Variants in STPG2 observed in about 807,000 individuals in gnomAD.
STPG2 encodes the protein sperm tail PG-rich repeat containing 2.
A neutral mutation model predicts 54.2 loss-of-function variants in STPG2; 56 were observed. The ratio of observed to expected loss-of-function variants is 1.03; its 90% CI spans 0.83 to 1.29. STPG2 has a LOEUF of 1.29. STPG2 is among the 50% of genes most tolerant of loss of function. STPG2 has a pLI of 0.00. For missense variants in STPG2, 596 were observed against 544.9 expected, an observed-to-expected ratio of 1.09 and a Z score of -0.93; for synonymous variants, 200 against 181.8, an observed-to-expected ratio of 1.10 and a Z score of -0.81.
intron 9 of STPG2, among the ~76,000 whole-genome samples, chr4:97,756,814 G>A (rs139703028): frequency 0.01 from 1,549 of 150,816 alleles, 27 homozygotes; most frequent in African/African-American, 0.036. Context: ...CACTGATTTC[G>A]GTGGTAAAAA....
intron 4 of STPG2, among the ~76,000 whole-genome samples, chr4:97,529,716 G>A (rs780139872): frequency 3.9e-5 from 6 of 152,148 alleles, no homozygotes; most frequent in Non-Finnish European, 8.8e-5. Context: ...TTGGGAGCAT[G>A]TATGTATCCA....
chr4:97,755,866 G>T (rs1341571621), intron 9 of STPG2, among the ~76,000 whole-genome samples: 1 of 152,130 alleles, frequency 6.6e-6, no homozygotes, highest in African/African-American at 2.4e-5. Flanking sequence ...TTGGATAGAA[G>T]TCTTAGGAAA....
Position 97,473,733 on chromosome 4 carries a change from G to A in STPG2, c.462+238966C>T, listed in dbSNP as rs542441738. Among the ~76,000 whole-genome samples, 40 of 152,138 alleles carry A rather than the reference G, an allele frequency of 2.6e-4. No homozygotes were observed. In the East Asian group the frequency reaches 7.2e-3, roughly 27 times the overall value. ...ACTAATAAAAACTTGCTGGTTTCAC[G>A]GCTCAGGGGGCATCACGGAACCTAC... On this transcript the variant is annotated intron_variant, in intron 4 of 4. Transcript: ENST00000522676.
intron 10 of STPG2, among the ~76,000 whole-genome samples, chr4:97,585,548 C>T (rs1442425898): frequency 6.6e-6 from 1 of 151,958 alleles, no homozygotes; most frequent in Non-Finnish European, 1.5e-5. Flanking sequence ...TAGAGAGAAT[C>T]TTGTCACAGC....
At chr4:97,638,194 T>C (rs1427880640) in intron 10 of STPG2, among the ~76,000 whole-genome samples, 1 of 151,676 alleles carries the variant, frequency 6.6e-6, no homozygotes, top group Admixed American at 6.6e-5. Flanking sequence ...ACACTGCATA[T>C]CTACAACTAT....
intron 9 of STPG2, among the ~76,000 whole-genome samples, chr4:97,721,197 C>T (rs7658086): frequency 0.11 from 16,694 of 152,024 alleles, 2,650 homozygotes; most frequent in African/African-American, 0.35. Context: ...CAAGTAAAAA[C>T]GAATTGCTCA....
chr4:97,959,172 A>C (rs887463934), intron 7 of STPG2, among the ~76,000 whole-genome samples: 1 of 152,088 alleles, frequency 6.6e-6, no homozygotes, highest in Non-Finnish European at 1.5e-5. Flanking sequence ...TTACTCAAAC[A>C]GAACAATAGT....
intron 7 of STPG2, among the ~76,000 whole-genome samples, chr4:97,945,532 T>C (rs1021106220): frequency 6.6e-6 from 1 of 151,976 alleles, no homozygotes; most frequent in Non-Finnish European, 1.5e-5. Flanking sequence ...CACATGCAGG[T>C]GTCTTTTTAA....
At chr4:97,699,021 GAGTA>G (rs1390513976) in intron 10 of STPG2, among the ~76,000 whole-genome samples, 2 of 152,206 alleles carry the variant, frequency 1.3e-5, no homozygotes, top group Non-Finnish European at 2.9e-5. Context: ...CACATATCCA[GAGTA>G]AGTGTCTATT....
Position 97,864,724 on chromosome 4 carries a change from C to T in STPG2, c.1045-23792G>A, listed in dbSNP as rs181858864. Among the ~76,000 whole-genome samples, 571 of 152,078 alleles carry T rather than the reference C, an allele frequency of 3.8e-3. 1 individual carries two copies. Among genetic ancestry groups the T allele is most frequent in the African/African-American group, 0.013 (541 of 41,500 alleles). Reference sequence around the variant, plus strand: ...AGGCTGCAGTAACCAAAACAGCATGCTACTGGTACCAAAACATAGATATAG... The same window carrying T: ...AGGCTGCAGTAACCAAAACAGCATGTTACTGGTACCAAAACATAGATATAG... On this transcript the variant is annotated intron_variant, in intron 8 of 10. Coordinates refer to ENST00000295268, the MANE Select transcript of STPG2 (RefSeq NM_174952.3).
intron 7 of STPG2, among the ~76,000 whole-genome samples, chr4:97,950,973 G>C (rs1375105168): frequency 6.6e-6 from 1 of 152,142 alleles, no homozygotes; most frequent in East Asian, 1.9e-4. Flanking sequence ...TATCACTATT[G>C]TAAAACCTAA....
At chr4:97,703,286 A>C (rs896591827) in intron 10 of STPG2, among the ~76,000 whole-genome samples, 1 of 151,194 alleles carries the variant, frequency 6.6e-6, no homozygotes, top group African/African-American at 2.4e-5. Context: ...TAGAACCCCA[A>C]AACCAGCAAA....
chr4:97,655,994 T>C (rs1448487004), intron 10 of STPG2, among the ~76,000 whole-genome samples: 2 of 152,136 alleles, frequency 1.3e-5, no homozygotes, highest in African/African-American at 4.8e-5. Context: ...CATAAATGTA[T>C]ATCTTAAAAC....
intron 10 of STPG2, among the ~76,000 whole-genome samples, chr4:97,622,110 A>C (rs1734027094): frequency 6.6e-6 from 1 of 152,194 alleles, no homozygotes; most frequent in African/African-American, 2.4e-5. Context: ...CAAATTAGGC[A>C]CTGAAGGAAC....
intron 8 of STPG2, among the ~76,000 whole-genome samples, chr4:97,929,649 T>A (rs1310901234): frequency 2.0e-5 from 3 of 152,194 alleles, no homozygotes; most frequent in Non-Finnish European, 4.4e-5. Flanking sequence ...TTTTTCTCAG[T>A]TGATTGTTGG....
intron 8 of STPG2, among the ~76,000 whole-genome samples, chr4:97,900,802 C>A (rs1374676161): frequency 6.6e-6 from 1 of 151,904 alleles, no homozygotes; most frequent in Non-Finnish European, 1.5e-5. Flanking sequence ...AGGAAAGGAG[C>A]AGAAAAGATA....
Position 98,108,825 on chromosome 4 carries a change from AT to A in STPG2, c.500+367del, listed in dbSNP as rs528288133. ...CTTGCTGTGAAGATTAAATGAGTTA[AT>A]GCATATATAGTAGATAGCACAAGAT... On this transcript the variant is annotated intron_variant, in intron 4 of 10. Coordinates refer to ENST00000295268, the MANE Select transcript of STPG2 (RefSeq NM_174952.3). Among the ~76,000 whole-genome samples the A allele has an allele frequency of 4.3e-3, 649 of 152,200 alleles. 3 individuals are homozygous for A. The highest frequency in any genetic ancestry group is 0.025 in the South Asian group (121 of 4,828).
chr4:97,458,014 A>G (rs1729571144), intron 4 of STPG2, among the ~76,000 whole-genome samples: 2 of 152,252 alleles, frequency 1.3e-5, no homozygotes, highest in Non-Finnish European at 2.9e-5. Context: ...ACATTTTCCA[A>G]TTAACAACGT....
At chr4:97,703,709 ATAG>A in intron 10 of STPG2, among the ~76,000 whole-genome samples, 1 of 141,418 alleles carries the variant, frequency 7.1e-6, no homozygotes, top group Middle Eastern at 3.7e-3. Context: ...ATAGTATATT[ATAG>A]TATATATATT....
Sources: allele counts gnomAD v4.1 joint callset (sites outside exome capture counted in the v4.1 genomes callset), GRCh38; gene constraint gnomAD v4.1.1; transcripts MANE v1.5; gene names NCBI Gene and HGNC (gene_info 2026-07-23, HGNC 2026-07-21).